Variants in BRMS1L observed in about 807,000 individuals in gnomAD.
BRMS1L encodes BRMS1 like transcriptional repressor.
BRMS1L carries 23 observed loss-of-function variants against 50.3 expected under a neutral mutation model. That is an observed-to-expected ratio of 0.46 (90% CI 0.33 to 0.65). BRMS1L has a LOEUF of 0.65. Ranked by LOEUF, BRMS1L falls within the 30% of genes least tolerant of loss-of-function variation. BRMS1L has a pLI of 0.02. For synonymous variants in BRMS1L, 114 were observed against 126.9 expected, an observed-to-expected ratio of 0.90 and a Z score of 0.69; for missense variants, 286 against 386.1, an observed-to-expected ratio of 0.74 and a Z score of 2.17.
chr14:35,830,567 A>G (rs2077906505), intron 1 of BRMS1L, among the ~76,000 whole-genome samples: 1 of 152,096 alleles, frequency 6.6e-6, no homozygotes, highest in Admixed American at 6.6e-5. Context: ...CATGTTGCCC[A>G]GGCTGGTCTT....
intron 4 of BRMS1L, among the ~76,000 whole-genome samples, chr14:35,847,466 T>C (rs957282397): frequency 2.0e-5 from 3 of 152,136 alleles, no homozygotes; most frequent in Non-Finnish European, 2.9e-5. Context: ...GCCCAGCTAA[T>C]TTTTAAAAAT....
chr14:35,844,581 G>A (rs751738646), intron 4 of BRMS1L, among the ~76,000 whole-genome samples: 6 of 152,164 alleles, frequency 3.9e-5, no homozygotes, highest in East Asian at 1.9e-4. Flanking sequence ...GAAATCACCC[G>A]CCTTCTGCGT....
chr14:35,839,875 G>A (rs111617663), intron 4 of BRMS1L, among the ~76,000 whole-genome samples: 4 of 152,016 alleles, frequency 2.6e-5, no homozygotes, highest in Non-Finnish European at 2.9e-5. Flanking sequence ...TTCTCTTGCC[G>A]GATTGCCCTG....
In BRMS1L at chr14:35,871,720, A is replaced by G. The variant is rs1594355020; in HGVS notation, c.*1243A>G. The G allele has an allele frequency of 6.5e-6, 1 of 152,800 alleles. No homozygotes were observed. The highest frequency in any genetic ancestry group is 6.5e-5 in the Admixed American group (1 of 15,310). The allele number at this position is 152,800 out of a possible 1,614,324, so 9.5% of individuals were successfully genotyped here. On this transcript the variant is annotated 3_prime_UTR_variant, in exon 10 of 10. Coordinates refer to ENST00000216807, the MANE Select transcript of BRMS1L (RefSeq NM_032352.4). ...TGTTTTCTTATTATTTTACCTCTCCAAACATCTTCCTGTGCAGATCACTAC... is the reference window on the plus strand; with the variant it reads ...TGTTTTCTTATTATTTTACCTCTCCGAACATCTTCCTGTGCAGATCACTAC...
At chr14:35,830,497 A>G (rs2077905327) in intron 1 of BRMS1L, among the ~76,000 whole-genome samples, 1 of 151,992 alleles carries the variant, frequency 6.6e-6, no homozygotes. Flanking sequence ...AGTTGGGACT[A>G]CAGGCATCCA....
At chr14:35,837,066 C>G (rs897938535) in intron 4 of BRMS1L, among the ~76,000 whole-genome samples, 10 of 151,234 alleles carry the variant, frequency 6.6e-5, no homozygotes, top group Middle Eastern at 3.6e-3. Flanking sequence ...ACCAGCCTGA[C>G]CAATATGATG....
intron 2 of BRMS1L, among the ~76,000 whole-genome samples, chr14:35,831,876 G>A (rs1270638472): frequency 1.3e-5 from 2 of 151,962 alleles, no homozygotes; most frequent in African/African-American, 4.8e-5. Flanking sequence ...AGCTGTGCTC[G>A]TGCCATTGCA....
rs199922866 is a variant in BRMS1L, at chr14:35,865,830, G to A, written c.727+69G>A. 349 of 1,334,012 alleles carry A rather than the reference G, an allele frequency of 2.6e-4. No individual in the cohort carries two copies. In the Middle Eastern group the frequency reaches 6.5e-3, roughly 25 times the overall value. 82.6% of individuals were successfully genotyped at this position (1,334,012 alleles called of 1,614,324 possible). ...TTGTTGAATCAGGGTTGTTATCTAC[G>A]TACTAAAGAACTCTTGAATCAGTGG... is the stretch of plus-strand genomic sequence containing the variant. On this transcript the variant is annotated intron_variant, in intron 8 of 9. Coordinates refer to ENST00000216807, the MANE Select transcript of BRMS1L (RefSeq NM_032352.4).
At chr14:35,832,269 C>CT (rs5807844) in intron 2 of BRMS1L, among the ~76,000 whole-genome samples, 32,870 of 150,298 alleles carry the variant, frequency 0.22, 3,984 homozygotes, top group East Asian at 0.35. Flanking sequence ...TTTTGGGAGG[C>CT]TGAGGCGGGT....
At chr14:35,845,704 G>A (rs2078124590) in intron 4 of BRMS1L, among the ~76,000 whole-genome samples, 1 of 152,152 alleles carries the variant, frequency 6.6e-6, no homozygotes, top group South Asian at 2.1e-4. Flanking sequence ...GTAGTTCCGT[G>A]AGTGTTTTGT....
Position 35,850,353 on chromosome 14 carries a change from A to G in BRMS1L, c.442-12237A>G, listed in dbSNP as rs908949704. 4.0e-5 allele frequency among the ~76,000 whole-genome samples: 6 copies of G among 151,740 alleles called. No homozygotes were observed. The South Asian group carries it at 6.2e-4, about 16-fold the overall frequency. On this transcript the variant is annotated intron_variant, in intron 4 of 9. Transcript: ENST00000216807. ...CTCCTGAGTAGCTGGGATTACAGGC[A>G]TGCACCACCATGCCTGGCTAATTTT...
At chr14:35,831,388 A>G (rs1012016842) in intron 1 of BRMS1L, 22 bp from the exon 2 acceptor site, 3 of 1,552,608 alleles carry the variant, frequency 1.9e-6, no homozygotes, top group African/African-American at 1.4e-5. Context: ...TTTATCTTTT[A>G]TATTTGCCTT....
intron 4 of BRMS1L, among the ~76,000 whole-genome samples, chr14:35,841,815 G>A (rs1412996081): frequency 6.6e-6 from 1 of 152,100 alleles, no homozygotes; most frequent in African/African-American, 2.4e-5. Flanking sequence ...GAGTCTCTTT[G>A]TAGGTCTCTA....
intron 4 of BRMS1L, among the ~76,000 whole-genome samples, chr14:35,852,744 A>G (rs1234762477): frequency 6.6e-6 from 1 of 152,052 alleles, no homozygotes; most frequent in East Asian, 1.9e-4. Flanking sequence ...ATCTTGGCTA[A>G]CATGGTGAAA....
intron 6 of BRMS1L, among the ~76,000 whole-genome samples, chr14:35,864,491 G>A (rs1179932535): frequency 6.6e-6 from 1 of 152,078 alleles, no homozygotes; most frequent in Admixed American, 6.5e-5. Flanking sequence ...GAACTCCTGG[G>A]CTTAAGCCTG....
intron 4 of BRMS1L, among the ~76,000 whole-genome samples, chr14:35,853,680 G>C (rs1344535337): frequency 6.6e-6 from 1 of 152,120 alleles, no homozygotes; most frequent in Admixed American, 6.5e-5. Flanking sequence ...TCCTGCCTCA[G>C]CCTCCCAAAG....
intron 8 of BRMS1L, among the ~76,000 whole-genome samples, chr14:35,866,493 C>A (rs2078423282): frequency 1.3e-5 from 2 of 152,234 alleles, no homozygotes; most frequent in Middle Eastern, 6.8e-3. Context: ...CACTTGAGCC[C>A]AGGAGTTTGA....
At chr14:35,852,926 G>A (rs1007711854) in intron 4 of BRMS1L, among the ~76,000 whole-genome samples, 4 of 150,144 alleles carry the variant, frequency 2.7e-5, no homozygotes, top group African/African-American at 9.8e-5. Flanking sequence ...GCGAGGCTCC[G>A]TCTCAAAAAA....
chr14:35,857,883 G>A lies in BRMS1L; in HGVS notation c.442-4707G>A, dbSNP rs186169292. ...TCAATTCTTCCTACAGACCTTAGCA[G>A]ATCTATGAGGGCCTCCTAATGCTGT... On this transcript the variant is annotated intron_variant, in intron 4 of 9. Coordinates refer to ENST00000216807, the MANE Select transcript of BRMS1L (RefSeq NM_032352.4). Among the ~76,000 whole-genome samples, 5 of 149,090 alleles carry A rather than the reference G, an allele frequency of 3.4e-5. No individual in the cohort carries two copies. In the East Asian group the frequency reaches 7.8e-4, roughly 23 times the overall value.
Sources: allele counts gnomAD v4.1 joint callset (sites outside exome capture counted in the v4.1 genomes callset), GRCh38; gene constraint gnomAD v4.1.1; transcripts MANE v1.5; gene names NCBI Gene and HGNC (gene_info 2026-07-23, HGNC 2026-07-21).